Variants in RERE observed in about 807,000 individuals in gnomAD.
RERE encodes arginine-glutamic acid dipeptide repeats.
A neutral mutation model predicts 146.1 loss-of-function variants in RERE; 40 were observed. That is an observed-to-expected ratio of 0.27 (90% CI 0.21 to 0.36). The LOEUF (loss-of-function observed/expected upper bound fraction) is 0.36. Ranked by LOEUF, RERE falls within the 10% of genes least tolerant of loss-of-function variation. RERE has a pLI of 1.00. For synonymous variants in RERE, 1,003 were observed against 866.0 expected, an observed-to-expected ratio of 1.16 and a Z score of -2.78; for missense variants, 1,933 against 2,138.7, an observed-to-expected ratio of 0.90 and a Z score of 1.90.
chr1:8,704,947 C>T (rs1355422979), intron 1 of RERE, among the ~76,000 whole-genome samples: 1 of 152,186 alleles, frequency 6.6e-6, no homozygotes, highest in Non-Finnish European at 1.5e-5. Flanking sequence ...GGACCTGTGA[C>T]TTGAAAATCT....
At chr1:8,562,142 G>A (rs74050232) in intron 4 of RERE, among the ~76,000 whole-genome samples, 4,287 of 152,192 alleles carry the variant, frequency 0.028, 174 homozygotes, top group African/African-American at 0.097. Flanking sequence ...GAAAAAGAGA[G>A]CAGCAAAGAT....
At chr1:8,725,863 G>T (rs1412021285) in intron 1 of RERE, among the ~76,000 whole-genome samples, 1 of 152,102 alleles carries the variant, frequency 6.6e-6, no homozygotes, top group East Asian at 1.9e-4. Flanking sequence ...TAATGCAAAC[G>T]TTCTGAAAGG....
intron 1 of RERE, among the ~76,000 whole-genome samples, chr1:8,774,225 C>T (rs1641012135): frequency 6.6e-6 from 1 of 152,062 alleles, no homozygotes; most frequent in Admixed American, 6.6e-5. Flanking sequence ...TCAACTGTAC[C>T]TGTCTTTCTT....
chr1:8,522,229 G>A (rs1645511129), intron 7 of RERE, among the ~76,000 whole-genome samples: 3 of 152,194 alleles, frequency 2.0e-5, no homozygotes, highest in Admixed American at 1.3e-4. Flanking sequence ...GAGAAGATTT[G>A]TGAATGTACA....
At chr1:8,607,324 C>T (rs1337527007) in intron 4 of RERE, among the ~76,000 whole-genome samples, 1 of 149,340 alleles carries the variant, frequency 6.7e-6, no homozygotes, top group Non-Finnish European at 1.5e-5. Context: ...CAGGCCACTG[C>T]ACTCCAGCCT....
At chr1:8,643,980 T>TGCA (rs1354768397) in intron 2 of RERE, among the ~76,000 whole-genome samples, 2 of 152,212 alleles carry the variant, frequency 1.3e-5, no homozygotes, top group African/African-American at 4.8e-5. Context: ...TAGCAAAAGT[T>TGCA]GCACATGAAC....
intron 4 of RERE, among the ~76,000 whole-genome samples, chr1:8,584,340 T>G (rs1434907278): frequency 6.6e-6 from 1 of 151,856 alleles, no homozygotes; most frequent in Non-Finnish European, 1.5e-5. Flanking sequence ...AGGACAGGAG[T>G]TCGAGACCAG....
rs1645051362 is a variant in RERE at position 8,496,724 on chromosome 1, C to T, written c.1004+681G>A. Among the ~76,000 whole-genome samples, 4 of 152,228 alleles carry T rather than the reference C, an allele frequency of 2.6e-5. No homozygotes were observed. In the Middle Eastern group the frequency reaches 0.01, roughly 388 times the overall value. On this transcript the variant is annotated intron_variant, in intron 9 of 22. Transcript: ENST00000400908. ...AGCGAATTCACACTTCTCTCTGCAT[C>T]GAAGGCATTTGTATGTTCTATGCAA...
At chr1:8,556,267 A>AG (rs1307787964) in intron 6 of RERE, among the ~76,000 whole-genome samples, 5 of 152,156 alleles carry the variant, frequency 3.3e-5, no homozygotes, top group African/African-American at 9.7e-5. Flanking sequence ...AAAAAAAAAA[A>AG]AGAGAGAGAG....
At chr1:8,695,634 G>A (rs916919182) in intron 1 of RERE, among the ~76,000 whole-genome samples, 2 of 143,394 alleles carry the variant, frequency 1.4e-5, no homozygotes, top group African/African-American at 2.5e-5. Context: ...GGTAGTGAGC[G>A]CCTGTAATCC....
intron 1 of RERE, among the ~76,000 whole-genome samples, chr1:8,748,343 G>A (rs1417577820): frequency 2.0e-5 from 3 of 152,082 alleles, no homozygotes; most frequent in East Asian, 3.9e-4. Context: ...TCAGCCCCAC[G>A]CCAGATGCCC....
At chr1:8,552,863 C>A (rs541671965) in intron 6 of RERE, among the ~76,000 whole-genome samples, 30 of 152,154 alleles carry the variant, frequency 2.0e-4, no homozygotes, top group Non-Finnish European at 4.3e-4. Context: ...TGTGACCCTG[C>A]ACCACTGGGC....
chr1:8,414,691 G>A (rs1044883481), intron 12 of RERE, among the ~76,000 whole-genome samples: 3 of 150,928 alleles, frequency 2.0e-5, no homozygotes, highest in African/African-American at 2.4e-5. Flanking sequence ...TCGGTGGGGG[G>A]AAGAAACATG....
intron 12 of RERE, among the ~76,000 whole-genome samples, chr1:8,416,636 T>C (rs1434115542): frequency 6.6e-6 from 1 of 151,476 alleles, no homozygotes; most frequent in East Asian, 1.9e-4. Context: ...ATCCTATTAT[T>C]GACAATGGAA....
intron 8 of RERE, among the ~76,000 whole-genome samples, chr1:8,502,909 C>T (rs1396926989): frequency 2.0e-5 from 3 of 151,140 alleles, no homozygotes; most frequent in Non-Finnish European, 4.4e-5. Flanking sequence ...TAAGAGTCAT[C>T]ACCACTCCCT....
intron 1 of RERE, among the ~76,000 whole-genome samples, chr1:8,754,102 G>A (rs765024445): frequency 7.2e-5 from 11 of 152,010 alleles, no homozygotes; most frequent in Non-Finnish European, 1.6e-4. Context: ...AGGTATTACT[G>A]CACATCATGA....
rs187334400 is a variant in RERE at position 8,441,556 on chromosome 1, C to G, written c.1204-18749G>C. On this transcript the variant is annotated intron_variant, in intron 11 of 22. Coordinates refer to ENST00000400908, the MANE Select transcript of RERE (RefSeq NM_001042681.2). ...AAAGACTCCACAAGTCAGACATTTT[C>G]TGATTCTCTGCTTTCAACAAAACAC... Among the ~76,000 whole-genome samples, 526 of 152,368 alleles carry G rather than the reference C, an allele frequency of 3.5e-3. 1 individual carries two copies. Among genetic ancestry groups the G allele is most frequent in the Middle Eastern group, 6.8e-3 (2 of 294 alleles).
At chr1:8,764,078 A>G (rs540251879) in intron 1 of RERE, among the ~76,000 whole-genome samples, 3 of 152,144 alleles carry the variant, frequency 2.0e-5, no homozygotes, top group East Asian at 1.9e-4. Flanking sequence ...CTAGGAGGCT[A>G]TTTCTCAGAA....
chr1:8,736,514 G>A (rs182902146), intron 1 of RERE, among the ~76,000 whole-genome samples: 3 of 152,178 alleles, frequency 2.0e-5, no homozygotes, highest in Admixed American at 2.0e-4. Context: ...GCCTATACTT[G>A]TTCTTAAAGT....
Sources: allele counts gnomAD v4.1 joint callset (sites outside exome capture counted in the v4.1 genomes callset), GRCh38; gene constraint gnomAD v4.1.1; transcripts MANE v1.5; gene names NCBI Gene and HGNC (gene_info 2026-07-23, HGNC 2026-07-21).